HMG20B: variants seen among roughly 807,000 people sequenced by gnomAD.
HMG20B encodes high mobility group 20B.
In HMG20B, 24 loss-of-function variants were observed where a neutral mutation model predicts 41.6. The observed-to-expected ratio is 0.58, with a 90% CI of 0.42 to 0.81. HMG20B has a LOEUF of 0.81. Among genes scored for constraint, HMG20B ranks in the 30% least tolerant of loss-of-function variants. The pLI, the probability that HMG20B is intolerant of heterozygous loss-of-function variation, is 0.00. For missense variants in HMG20B, 461 were observed against 444.0 expected, an observed-to-expected ratio of 1.04 and a Z score of -0.34; for synonymous variants, 251 against 186.6, an observed-to-expected ratio of 1.34 and a Z score of -2.81.
At chr19:3,576,760 TC>T in intron 7 of HMG20B, 131 bp from the exon 8 acceptor site, 1 of 1,276,022 alleles carries the variant, frequency 7.8e-7, no homozygotes, top group Non-Finnish European at 1.1e-6. Flanking sequence ...ACGCTGTCGC[TC>T]CAGAGGCTGA....
intron 7 of HMG20B, 32 bp downstream of exon 7, chr19:3,576,657 C>G: frequency 6.3e-7 from 1 of 1,585,904 alleles, no homozygotes; most frequent in Non-Finnish European, 8.6e-7. Flanking sequence ...GATGCGAACT[C>G]CGTGAAACTG....
chr19:3,573,016 C>G (rs1399157628), intron 1 of HMG20B, 22 bp downstream of exon 1: 5 of 387,198 alleles, frequency 1.3e-5, no homozygotes, highest in Non-Finnish European at 2.3e-5. Context: ...CGCGGAACTC[C>G]GGGCCCTGAG....
chr19:3,573,320 G>T lies in HMG20B; in HGVS notation c.11G>T (p.Gly4Val). 6.5e-7 allele frequency: 1 copy of T among 1,532,328 alleles called. No homozygotes were observed. The highest frequency in any genetic ancestry group is 1.2e-5 in the South Asian group (1 of 83,046). 94.9% of individuals were successfully genotyped at this position (1,532,328 alleles called of 1,614,324 possible). A position where few individuals can be genotyped will look rare whatever the true frequency, so the allele number is the denominator to read the frequency against. The change falls in exon 2 of 10, where the codon GGC becomes GTC. Residue 4 changes from glycine (G) to valine (V), a missense_variant. Physicochemically the swap from Gly to Val is moderately radical, Grantham distance 109 (BLOSUM62 -3). This residue lies in a region of HMG20B where 104 missense variants were observed against 76.5 expected (regional missense o/e 1.36). Transcript: ENST00000333651. ...CGGCCCGGAGCGGCCATGTCCCACG[G>T]CCCCAAGCAGCCCGGCGCGGCCGCC... The part of the protein sequence containing the change: MSH[G>V]PKQPGAAAAP...
chr19:3,578,876 A>C lies in HMG20B; in HGVS notation c.*355A>C. 1.8e-6 allele frequency: 1 copy of C among 544,884 alleles called. No homozygotes were observed. Among genetic ancestry groups the C allele is most frequent in the East Asian group, 4.5e-5 (1 of 22,314 alleles). 33.8% of individuals were successfully genotyped at this position (544,884 alleles called of 1,614,324 possible). A position where few individuals can be genotyped will look rare whatever the true frequency, so the allele number is the denominator to read the frequency against. The stretch of plus-strand genomic sequence containing the variant: ...CACGGCAGGACCCCCCAAATTACTC[A>C]CTACGGGGGGCTGTGCCATAGGCCA... On this transcript the variant is annotated 3_prime_UTR_variant, in exon 10 of 10. Coordinates refer to ENST00000333651, the MANE Select transcript of HMG20B (RefSeq NM_006339.3).
At chr19:3,577,242 GC>G in intron 8 of HMG20B, 135 bp downstream of exon 8, 1 of 648,778 alleles carries the variant, frequency 1.5e-6, no homozygotes, top group Non-Finnish European at 2.5e-6. Flanking sequence ...CAGTCACCCG[GC>G]CCCGCCTATC....
chr19:3,576,992 C>G lies in HMG20B; in HGVS notation c.693C>G (p.Arg231=), dbSNP rs1162149166. ...QRHTQSMSSA[R]ERLEQELALE... is the part of the protein sequence containing the mutation. ...ACACGCAGAGCATGAGCAGCGCGCG[C>G]GAGCGTCTGGAGCAGGAGCTGGCGC... Residue 231 remains arginine, a synonymous_variant, in exon 8 of 10, where the codon CGC becomes CGG. Coordinates refer to ENST00000333651, the MANE Select transcript of HMG20B (RefSeq NM_006339.3). 3 of 1,565,026 alleles carry G rather than the reference C, an allele frequency of 1.9e-6. No homozygotes were observed. Among genetic ancestry groups the G allele is most frequent in the South Asian group, 1.2e-5 (1 of 85,044 alleles).
Position 3,578,545 on chromosome 19 carries a change from G to A in HMG20B, c.*24G>A. ...GAGGAGTGGGCGGGCCCACGATGCAGAGGAGAAGCTGTGGGCGCGGCCCTG... is the reference window on the plus strand; with the variant it reads ...GAGGAGTGGGCGGGCCCACGATGCAAAGGAGAAGCTGTGGGCGCGGCCCTG... On this transcript the variant is annotated 3_prime_UTR_variant, in exon 10 of 10. Coordinates refer to ENST00000333651, the MANE Select transcript of HMG20B (RefSeq NM_006339.3). 1 of 1,568,692 alleles carries A rather than the reference G, an allele frequency of 6.4e-7. No homozygotes were observed. Among genetic ancestry groups the A allele is most frequent in the Non-Finnish European group, 8.6e-7 (1 of 1,158,160 alleles).
intron 8 of HMG20B, 62 bp downstream of exon 8, chr19:3,577,169 C>CCT: frequency 8.6e-7 from 1 of 1,165,668 alleles, no homozygotes; most frequent in Non-Finnish European, 1.2e-6. Context: ...GCCTCCCCCC[C>CCT]CCTCCTCCCT....
At position 3,575,937 on chromosome 19, in the gene HMG20B, C is replaced by G. The variant is rs2145256100; in HGVS notation, c.472+277C>G. On this transcript the variant is annotated intron_variant, in intron 5 of 9. Coordinates refer to ENST00000333651, the MANE Select transcript of HMG20B (RefSeq NM_006339.3). ...CTAGCCAGGGCGACAGGGCGAGACT[C>G]CGTCTCAAAAAAAAAAAAAAAAGAA... The G allele has an allele frequency of 1.4e-5, 6 of 414,382 alleles. No homozygotes were observed. In the South Asian group the frequency reaches 2.3e-4, roughly 16 times the overall value. The allele number at this position is 414,382 out of a possible 1,614,324, so 25.7% of individuals were successfully genotyped here. A position where few individuals can be genotyped will look rare whatever the true frequency, so the allele number is the denominator to read the frequency against.
At chr19:3,578,484 C>G (rs761062932) in intron 9 of HMG20B, 25 bp from the exon 10 acceptor site, 1 of 1,520,948 alleles carries the variant, frequency 6.6e-7, no homozygotes, top group African/African-American at 1.4e-5. Context: ...AGGGCCTCAT[C>G]CCGGGCCCTC....
intron 2 of HMG20B, 136 bp from the exon 3 acceptor site, chr19:3,573,556 C>T: frequency 1.1e-6 from 1 of 912,718 alleles, no homozygotes; most frequent in Non-Finnish European, 1.6e-6. Flanking sequence ...GGATACTGAC[C>T]CCATCAGACC....
chr19:3,576,122 C>T (rs2032155813), intron 5 of HMG20B, 139 bp from the exon 6 acceptor site: 4 of 715,376 alleles, frequency 5.6e-6, no homozygotes, highest in East Asian at 2.6e-5. Flanking sequence ...GGGGCTCACT[C>T]GGTACAGCGA....
Position 3,576,991 on chromosome 19 carries a change from G to A in HMG20B, c.692G>A (p.Arg231His), listed in dbSNP as rs1263398394. ...QRHTQSMSSARERLEQELALE... is the reference protein window; with the variant it reads ...QRHTQSMSSAHERLEQELALE... ...CACACGCAGAGCATGAGCAGCGCGCGCGAGCGTCTGGAGCAGGAGCTGGCG... is the reference window on the plus strand; with the variant it reads ...CACACGCAGAGCATGAGCAGCGCGCACGAGCGTCTGGAGCAGGAGCTGGCG... Residue 231 changes from arginine to histidine, a missense_variant, in exon 8 of 10, where the codon CGC becomes CAC. By Grantham distance (29) the Arg-to-His change is conservative (BLOSUM62 0). Coordinates refer to ENST00000333651, the MANE Select transcript of HMG20B (RefSeq NM_006339.3). The A allele has an allele frequency of 6.4e-7, 1 of 1,565,098 alleles. No homozygotes were observed. Among genetic ancestry groups the A allele is most frequent in the East Asian group, 2.4e-5 (1 of 41,980 alleles).
intron 5 of HMG20B, 97 bp downstream of exon 5, chr19:3,575,757 C>T (rs2032144933): frequency 4.0e-6 from 4 of 1,011,226 alleles, no homozygotes; most frequent in Non-Finnish European, 5.8e-6. Flanking sequence ...GCCTGGCCAA[C>T]ATAGTGAAAC....
chr19:3,573,967 TG>T, intron 3 of HMG20B, 167 bp downstream of exon 3: 1 of 729,586 alleles, frequency 1.4e-6, no homozygotes, highest in Non-Finnish European at 2.4e-6. Flanking sequence ...ACAGGTCCTC[TG>T]CCACTCTAAG....
chr19:3,576,548 C>T lies in HMG20B; in HGVS notation c.520-5C>T, dbSNP rs2032165947. On this transcript the variant is annotated splice_polypyrimidine_tract_variant and splice_region_variant and intron_variant, in intron 6 of 9. Transcript: ENST00000333651. ...GTAAATTGCCACCTTGTCCCTTCGTCTTAGGGTGGGGACTGCGATGGCTTC... is the reference window on the plus strand; with the variant it reads ...GTAAATTGCCACCTTGTCCCTTCGTTTTAGGGTGGGGACTGCGATGGCTTC... 1.2e-6 allele frequency: 2 copies of T among 1,612,194 alleles called. No individual in the cohort carries two copies. The highest frequency in any genetic ancestry group is 1.3e-5 in the African/African-American group (1 of 74,914).
intron 5 of HMG20B, 175 bp downstream of exon 5, chr19:3,575,835 T>G: frequency 1.8e-6 from 1 of 562,740 alleles, no homozygotes; most frequent in Non-Finnish European, 3.1e-6. Context: ...TCCCAGCTAC[T>G]CGGGAGGCTG....
rs930249416 is a variant in HMG20B, at chr19:3,576,181, T to A, written c.473-80T>A. ...ACTCAAGTGGGGAGCTGGAGCCGGC[T>A]GAGCAGCGCTGACCTAGGGTGCAGG... On this transcript the variant is annotated intron_variant, in intron 5 of 9. Transcript: ENST00000333651. The A allele has an allele frequency of 5.4e-5, 70 of 1,305,400 alleles. No individual in the cohort carries two copies. In the East Asian group the frequency reaches 1.6e-3, roughly 30 times the overall value. The allele number at this position is 1,305,400 out of a possible 1,614,324, so 80.9% of individuals were successfully genotyped here. A position where few individuals can be genotyped will look rare whatever the true frequency, so the allele number is the denominator to read the frequency against.
chr19:3,578,249 T>C, intron 9 of HMG20B, 136 bp downstream of exon 9: 1 of 1,296,080 alleles, frequency 7.7e-7, no homozygotes, highest in Non-Finnish European at 1.1e-6. Flanking sequence ...GGGGCCTACC[T>C]GCGGTCGCCC....
Sources: allele counts gnomAD v4.1 joint callset, GRCh38; gene constraint gnomAD v4.1.1; regional missense constraint gnomAD v4.1.1; transcripts MANE v1.5; gene names NCBI Gene and HGNC (gene_info 2026-07-23, HGNC 2026-07-21).